STUM: variants seen among roughly 807,000 people sequenced by gnomAD.
STUM encodes the protein protein stum homolog.
A neutral mutation model predicts 15.3 loss-of-function variants in STUM; 8 were observed. The ratio of observed to expected loss-of-function variants is 0.52; its 90% CI spans 0.31 to 0.94. The LOEUF (loss-of-function observed/expected upper bound fraction) is 0.94. STUM is among the 40% of genes least tolerant of loss of function. The pLI is 0.05. For synonymous variants in STUM, 78 were observed against 88.7 expected (o/e 0.88, Z 0.68); for missense variants, 142 against 204.9 (o/e 0.69, Z 1.87).
chr1:226,567,098 T>C lies in STUM; in HGVS notation c.202+17992T>C, dbSNP rs1471382594. 6.6e-6 allele frequency among the ~76,000 whole-genome samples: 1 copy of C among 152,220 alleles called. No individual in the cohort carries two copies. The highest frequency in any genetic ancestry group is 2.4e-5 in the African/African-American group (1 of 41,536). On this transcript the variant is annotated intron_variant, in intron 1 of 3. Transcript: ENST00000366788. The surrounding 1 kb of genome is among the most constrained non-coding windows in gnomAD (Gnocchi z 4.5). ...AAGGGCTTCTTGGAAGTAGATCTGG[T>C]TGGGGGAGAAGGAGACCAGCCTGTT...
rs75957868 is a variant in STUM, at chr1:226,583,925, C to G, written c.203-12877C>G. ...GCCCACTTCTTCTATTCTTCTTCCC[C>G]CTCCATTGACATGTTGCCCAGTGAC... On this transcript the variant is annotated intron_variant, in intron 1 of 3. Coordinates refer to ENST00000366788, the MANE Select transcript of STUM (RefSeq NM_001003665.4). Among the ~76,000 whole-genome samples, 2,932 of 152,308 alleles carry G rather than the reference C, an allele frequency of 0.019. 165 individuals are homozygous for G. In the East Asian group the frequency reaches 0.23, roughly 12 times the overall value.
At chr1:226,594,625 GAGAC>G (rs1320476321) in intron 1 of STUM, among the ~76,000 whole-genome samples, 1 of 152,170 alleles carries the variant, frequency 6.6e-6, no homozygotes, top group African/African-American at 2.4e-5. Flanking sequence ...GTTCTCTAGA[GAGAC>G]AGAACAAGTA....
chr1:226,583,905 C>T (rs1483743371), intron 1 of STUM, among the ~76,000 whole-genome samples: 1 of 152,170 alleles, frequency 6.6e-6, no homozygotes, highest in Non-Finnish European at 1.5e-5. Context: ...TCCTCGCCCA[C>T]TTCTTCTATT....
chr1:226,577,810 G>A (rs191530730), intron 1 of STUM, among the ~76,000 whole-genome samples: 14 of 130,564 alleles, frequency 1.1e-4, no homozygotes, highest in African/African-American at 3.8e-4. Flanking sequence ...TGTTCTGTGG[G>A]GGGGATGGTT....
intron 3 of STUM, among the ~76,000 whole-genome samples, chr1:226,601,556 G>A (rs1217772797): frequency 6.6e-6 from 1 of 152,186 alleles, no homozygotes; most frequent in Non-Finnish European, 1.5e-5. Context: ...CCAGCAGGTT[G>A]GACGCACACA....
At chr1:226,582,604 A>G (rs552097409) in intron 1 of STUM, among the ~76,000 whole-genome samples, 51 of 152,134 alleles carry the variant, frequency 3.4e-4, no homozygotes, top group Admixed American at 2.0e-3. Flanking sequence ...TCAAAAAAAA[A>G]AAAAAAGACA....
At chr1:226,570,423 A>G (rs1183854068) in intron 1 of STUM, among the ~76,000 whole-genome samples, 1 of 152,216 alleles carries the variant, frequency 6.6e-6, no homozygotes, top group African/African-American at 2.4e-5. Flanking sequence ...TGTAAAATAC[A>G]ATAGAAATCT....
At chr1:226,572,589 G>A (rs899841914) in intron 1 of STUM, among the ~76,000 whole-genome samples, 3 of 152,218 alleles carry the variant, frequency 2.0e-5, no homozygotes, top group Non-Finnish European at 4.4e-5. Context: ...GCCTCCCGGT[G>A]GATTAAGCAG....
In STUM at chr1:226,580,263, A is replaced by G. The variant is rs1463450433; in HGVS notation, c.203-16539A>G. Among the ~76,000 whole-genome samples the G allele has an allele frequency of 2.0e-5, 3 of 152,112 alleles. No individual in the cohort carries two copies. In the East Asian group the frequency reaches 5.8e-4, roughly 29 times the overall value. ...AGAAAGGGCCAGGCTTAGTGCAGGG[A>G]CAGGTCAGGAATTTGTTCTTGTACT... is the stretch of plus-strand genomic sequence containing the variant. On this transcript the variant is annotated intron_variant, in intron 1 of 3. Transcript: ENST00000366788.
At chr1:226,573,509 C>T (rs954308240) in intron 1 of STUM, among the ~76,000 whole-genome samples, 2 of 152,154 alleles carry the variant, frequency 1.3e-5, no homozygotes, top group African/African-American at 4.8e-5. Context: ...GTTTTCTTTC[C>T]AGCTCTTGGC....
intron 1 of STUM, among the ~76,000 whole-genome samples, chr1:226,582,386 A>T (rs1302385304): frequency 2.0e-5 from 3 of 152,196 alleles, no homozygotes; most frequent in African/African-American, 7.2e-5. Context: ...TGAGGTCAGG[A>T]GTTCGAGACC....
intron 1 of STUM, among the ~76,000 whole-genome samples, chr1:226,568,024 G>A (rs1293343129): frequency 6.6e-6 from 1 of 152,122 alleles, no homozygotes; most frequent in African/African-American, 2.4e-5. Flanking sequence ...TGCGTGCCCG[G>A]GAGCCTGCAC....
chr1:226,556,854 G>T (rs1037257382), intron 1 of STUM, among the ~76,000 whole-genome samples: 1 of 152,090 alleles, frequency 6.6e-6, no homozygotes, highest in Non-Finnish European at 1.5e-5. Flanking sequence ...ATTGTAAATT[G>T]ACAATTTCTA....
chr1:226,599,105 C>T (rs1335790580), intron 2 of STUM, among the ~76,000 whole-genome samples: 1 of 152,098 alleles, frequency 6.6e-6, no homozygotes, highest in Non-Finnish European at 1.5e-5. Context: ...CAGGAAACAC[C>T]CATCCCCATA....
At chr1:226,593,589 C>T (rs1050611349) in intron 1 of STUM, among the ~76,000 whole-genome samples, 2 of 152,164 alleles carry the variant, frequency 1.3e-5, no homozygotes, top group Non-Finnish European at 2.9e-5. Context: ...TGAGTCTCTA[C>T]AGAGACTCCA....
At position 226,607,058 on chromosome 1, in the gene STUM, T is replaced by A. The variant is rs1423815707; in HGVS notation, c.*5018T>A. On this transcript the variant is annotated 3_prime_UTR_variant, in exon 4 of 4. Transcript: ENST00000366788. The stretch of plus-strand genomic sequence containing the variant: ...ACTGCCCCTTCTCCCTCCTGAGAGC[T>A]CTGTGCACTGGGTTTGGGGATGAGG... 1 of 152,386 alleles carries A rather than the reference T, an allele frequency of 6.6e-6. No individual in the cohort carries two copies. Among genetic ancestry groups the A allele is most frequent in the East Asian group, 1.9e-4 (1 of 5,202 alleles). The allele number at this position is 152,386 out of a possible 1,614,324, so 9.4% of individuals were successfully genotyped here. A position where few individuals can be genotyped will look rare whatever the true frequency, so the allele number is the denominator to read the frequency against.
intron 1 of STUM, among the ~76,000 whole-genome samples, chr1:226,578,060 G>A (rs559870902): frequency 1.3e-5 from 2 of 152,102 alleles, no homozygotes; most frequent in Admixed American, 6.5e-5. Flanking sequence ...TGCCCTCCCC[G>A]TGGGCCCAGG....
intron 1 of STUM, among the ~76,000 whole-genome samples, chr1:226,556,319 AG>A (rs1370438835): frequency 1.3e-5 from 2 of 152,338 alleles, no homozygotes; most frequent in East Asian, 3.9e-4. Flanking sequence ...CTAAGAGCTG[AG>A]GCACAAAGTC....
rs1668332093 is a variant in STUM at position 226,604,871 on chromosome 1, G to A, written c.*2831G>A. 1 of 152,306 alleles carries A rather than the reference G, an allele frequency of 6.6e-6. No homozygotes were observed. The highest frequency in any genetic ancestry group is 2.4e-5 in the African/African-American group (1 of 41,430). The allele number at this position is 152,306 out of a possible 1,614,324, so 9.4% of individuals were successfully genotyped here. A position where few individuals can be genotyped will look rare whatever the true frequency, so the allele number is the denominator to read the frequency against. On this transcript the variant is annotated 3_prime_UTR_variant, in exon 4 of 4. Transcript: ENST00000366788. The surrounding 1 kb of genome is among the most constrained non-coding windows in gnomAD (Gnocchi z 4.7). ...TGTTTAGGGCAGGAATTACAGGCTT[G>A]CAGAGAAAGTCAGAGGCAATGAGAT...
Sources: gnomAD v4.1 joint callset for allele counts (sites outside exome capture counted in the v4.1 genomes callset) on GRCh38, gnomAD v4.1.1 for gene constraint, Gnocchi (gnomAD v3.1) non-coding constraint, MANE v1.5 for transcripts, NCBI Gene and HGNC (gene_info 2026-07-23, HGNC 2026-07-21) for gene names.